The following TCF4 variants were observed in gnomAD, a reference collection of about 807,000 sequenced individuals.
TCF4 encodes the protein transcription factor 4, also known as SL3-3 enhancer factor 2.
TCF4 carries 3 observed loss-of-function variants against 82.1 expected under a neutral mutation model. The observed-to-expected ratio is 0.04, with a 90% CI of 0.02 to 0.09. The LOEUF (loss-of-function observed/expected upper bound fraction) is 0.09. TCF4 is among the 10% of genes least tolerant of loss of function. The pLI, the probability that TCF4 is intolerant of heterozygous loss-of-function variation, is 1.00. For synonymous variants in TCF4, 276 were observed against 309.6 expected, an observed-to-expected ratio of 0.89 and a Z score of 1.14; for missense variants, 518 against 852.7, an observed-to-expected ratio of 0.61 and a Z score of 4.89.
At chr18:55,249,042 G>A (rs746345792) in intron 15 of TCF4, among the ~76,000 whole-genome samples, 1 of 152,124 alleles carries the variant, frequency 6.6e-6, no homozygotes, top group East Asian at 1.9e-4. Flanking sequence ...ACCGTGTCCA[G>A]CCTCTTTTGT....
chr18:55,258,796 T>G (rs1323441382), intron 13 of TCF4, among the ~76,000 whole-genome samples: 1 of 152,194 alleles, frequency 6.6e-6, no homozygotes. Flanking sequence ...GAAATCATTT[T>G]TCAGAGTGTA....
intron 5 of TCF4, among the ~76,000 whole-genome samples, chr18:55,445,561 AC>A (rs1383408779): frequency 6.6e-6 from 1 of 151,758 alleles, no homozygotes; most frequent in African/African-American, 2.4e-5. Flanking sequence ...GGAAAAACCC[AC>A]CCCCCATGAT....
chr18:55,402,234 G>C (rs887628881), intron 6 of TCF4: 1 of 985,340 alleles, frequency 1.0e-6, no homozygotes, highest in South Asian at 4.7e-5. Context: ...GGCCAAGGGA[G>C]TAAACTTTAA....
At chr18:55,431,810 G>A (rs1414863338) in intron 5 of TCF4, among the ~76,000 whole-genome samples, 2 of 152,148 alleles carry the variant, frequency 1.3e-5, no homozygotes, top group African/African-American at 4.8e-5. Context: ...AAATTTTACT[G>A]TGGCACAAAC....
At chr18:55,302,591 GGA>G (rs1367923611) in intron 8 of TCF4, 2 of 1,531,742 alleles carry the variant, frequency 1.3e-6, no homozygotes, top group East Asian at 4.9e-5. Context: ...ATAATGGGAG[GGA>G]GAGAGGGAAC....
At chr18:55,603,631 T>C (rs1375930478) in intron 2 of TCF4, among the ~76,000 whole-genome samples, 1 of 152,126 alleles carries the variant, frequency 6.6e-6, no homozygotes, top group African/African-American at 2.4e-5. Context: ...CTCACTATTG[T>C]CCATAAACTA....
chr18:55,380,053 T>C (rs1422015262), intron 6 of TCF4, among the ~76,000 whole-genome samples: 2 of 152,018 alleles, frequency 1.3e-5, no homozygotes, highest in African/African-American at 4.8e-5. Context: ...TTTTGTTTTC[T>C]TTTTTTCAGT....
chr18:55,476,113 T>G (rs966577991), intron 3 of TCF4, among the ~76,000 whole-genome samples: 2 of 151,954 alleles, frequency 1.3e-5, no homozygotes, highest in Non-Finnish European at 2.9e-5. Context: ...TAAATTCAAA[T>G]GCAGAGACAA....
chr18:55,246,231 A>G (rs1022094546), intron 15 of TCF4, among the ~76,000 whole-genome samples: 1 of 115,486 alleles, frequency 8.7e-6, no homozygotes, highest in Non-Finnish European at 1.9e-5. Context: ...TTTTAAATAC[A>G]CGTGTGTGTG....
chr18:55,486,701 A>G (rs1362380446), intron 3 of TCF4, among the ~76,000 whole-genome samples: 1 of 152,184 alleles, frequency 6.6e-6, no homozygotes, highest in Non-Finnish European at 1.5e-5. Flanking sequence ...GAAATCGTAG[A>G]GCCCAGGTAG....
chr18:55,377,980 T>G (rs2091165710), intron 6 of TCF4, among the ~76,000 whole-genome samples: 1 of 152,218 alleles, frequency 6.6e-6, no homozygotes, highest in African/African-American at 2.4e-5. Flanking sequence ...TTTGTAACTT[T>G]TTATTAATGT....
chr18:55,239,613 AG>A (rs1163541965), intron 15 of TCF4, among the ~76,000 whole-genome samples: 1 of 152,190 alleles, frequency 6.6e-6, no homozygotes, highest in African/African-American at 2.4e-5. Context: ...TCTTTATTGC[AG>A]GGGGAAAATC....
At chr18:55,391,094 T>G (rs568649907) in intron 6 of TCF4, among the ~76,000 whole-genome samples, 1 of 152,344 alleles carries the variant, frequency 6.6e-6, no homozygotes, top group African/African-American at 2.4e-5. Context: ...ACATTCTTCT[T>G]TGCCACATGT....
chr18:55,250,297 C>T (rs1397717665), intron 15 of TCF4, among the ~76,000 whole-genome samples: 1 of 152,142 alleles, frequency 6.6e-6, no homozygotes, highest in Non-Finnish European at 1.5e-5. Context: ...AAGCATGCCA[C>T]CACTTTGGAG....
chr18:55,321,591 A>T, intron 8 of TCF4: 1 of 1,533,568 alleles, frequency 6.5e-7, no homozygotes, highest in Non-Finnish European at 8.7e-7. Context: ...CTTTGCAAAC[A>T]ATGATCACCA....
chr18:55,251,126 G>T (rs1600166825), intron 15 of TCF4, among the ~76,000 whole-genome samples: 1 of 152,146 alleles, frequency 6.6e-6, no homozygotes, highest in Non-Finnish European at 1.5e-5. Context: ...TTGCAGATTG[G>T]AAGAGCTCAA....
intron 9 of TCF4, among the ~76,000 whole-genome samples, 172 bp from the exon 10 acceptor site, chr18:55,275,924 T>A (rs2061428995): frequency 6.6e-6 from 1 of 152,168 alleles, no homozygotes; most frequent in African/African-American, 2.4e-5. Flanking sequence ...CTCTATATTG[T>A]CAAACAAATA....
intron 2 of TCF4, among the ~76,000 whole-genome samples, chr18:55,606,169 C>T (rs1452622633): frequency 1.3e-5 from 2 of 152,102 alleles, no homozygotes; most frequent in Non-Finnish European, 2.9e-5. Flanking sequence ...TACCCTCAAG[C>T]ACTTACTATT....
chr18:55,539,810 A>G (rs1603620246), intron 3 of TCF4, among the ~76,000 whole-genome samples: 1 of 152,238 alleles, frequency 6.6e-6, no homozygotes, highest in African/African-American at 2.4e-5. Context: ...AATTAAAAAT[A>G]CAGCCATTGA....
Sources: gnomAD v4.1 joint callset for allele counts (sites outside exome capture counted in the v4.1 genomes callset) on GRCh38, gnomAD v4.1.1 for gene constraint, MANE v1.5 for transcripts, NCBI Gene and HGNC (gene_info 2026-07-23, HGNC 2026-07-21) for gene names.